The following UVRAG variants were observed in gnomAD, a reference collection of about 807,000 sequenced individuals.
UVRAG encodes UV radiation resistance associated.
Under a neutral mutation model 78.0 loss-of-function variants are expected in UVRAG, and 19 were observed. The ratio of observed to expected loss-of-function variants is 0.24; its 90% CI spans 0.17 to 0.36. UVRAG has a LOEUF of 0.36. Ranked by LOEUF, UVRAG falls within the 10% of genes least tolerant of loss-of-function variation. UVRAG has a pLI of 1.00. For missense variants in UVRAG, 740 were observed against 853.8 expected (o/e 0.87, Z 1.66); for synonymous variants, 323 against 324.6 (o/e 1.00, Z 0.05).
intron 3 of UVRAG, among the ~76,000 whole-genome samples, chr11:75,872,377 T>G (rs1424844097): frequency 1.4e-5 from 2 of 142,844 alleles, no homozygotes; most frequent in Non-Finnish European, 3.0e-5. Context: ...TATACAAAAG[T>G]GATCTAATGC....
intron 6 of UVRAG, chr11:75,914,338 A>G (rs1472811963): frequency 6.6e-6 from 1 of 152,190 alleles, no homozygotes; most frequent in African/African-American, 2.4e-5. Flanking sequence ...ATTTTAAAAA[A>G]TATATCTTTT....
chr11:75,866,017 G>A (rs1219769108), intron 3 of UVRAG, among the ~76,000 whole-genome samples: 1 of 152,066 alleles, frequency 6.6e-6, no homozygotes, highest in Non-Finnish European at 1.5e-5. Context: ...AGCACTTTGG[G>A]AGACCAAGGT....
chr11:75,828,865 C>T (rs1351064422), intron 1 of UVRAG, among the ~76,000 whole-genome samples: 12 of 141,984 alleles, frequency 8.5e-5, no homozygotes, highest in South Asian at 2.2e-4. Context: ...GCATGGTGCG[C>T]GCCACCATGT....
intron 13 of UVRAG, among the ~76,000 whole-genome samples, chr11:76,089,424 T>TA (rs1951655040): frequency 6.6e-6 from 1 of 152,178 alleles, no homozygotes; most frequent in African/African-American, 2.4e-5. Context: ...CTAACTGAAT[T>TA]ACTGGCTTAT....
At chr11:75,942,357 A>T (rs1948501065) in intron 6 of UVRAG, 1 of 153,034 alleles carries the variant, frequency 6.5e-6, no homozygotes, top group African/African-American at 2.4e-5. Flanking sequence ...CTGTCTAATG[A>T]CTTTGAATAA....
chr11:76,051,289 G>A (rs1950861546), intron 12 of UVRAG, among the ~76,000 whole-genome samples: 1 of 151,802 alleles, frequency 6.6e-6, no homozygotes, highest in Non-Finnish European at 1.5e-5. Flanking sequence ...GATTTTTGTG[G>A]GAAACAGGTG....
At chr11:76,056,739 C>T (rs902546324) in intron 12 of UVRAG, among the ~76,000 whole-genome samples, 1 of 152,128 alleles carries the variant, frequency 6.6e-6, no homozygotes, top group African/African-American at 2.4e-5. Flanking sequence ...ACTGATGCTC[C>T]CTTTTATATC....
At chr11:75,864,472 A>G (rs928988961) in intron 3 of UVRAG, among the ~76,000 whole-genome samples, 3 of 152,252 alleles carry the variant, frequency 2.0e-5, no homozygotes, top group African/African-American at 7.2e-5. Flanking sequence ...CTCAGAGAAT[A>G]TGCCAGAGAT....
intron 7 of UVRAG, among the ~76,000 whole-genome samples, chr11:75,982,654 A>AG (rs1272005797): frequency 1.3e-5 from 2 of 152,136 alleles, no homozygotes; most frequent in African/African-American, 4.8e-5. Flanking sequence ...TGAAACGGGC[A>AG]GGGGGGTTAG....
rs535402613 is a variant in UVRAG at position 76,004,743 on chromosome 11, A to G, written c.911+654A>G. Among the ~76,000 whole-genome samples the G allele has an allele frequency of 2.8e-4, 43 of 151,342 alleles. 1 individual carries two copies. Among genetic ancestry groups the G allele is most frequent in the African/African-American group, 9.9e-4 (41 of 41,222 alleles). ...TGGCCTCAAGTGATGCTCCACCTCA[A>G]CCTCCCAAAGTGCTGGGATTACAGG... On this transcript the variant is annotated intron_variant, in intron 9 of 14. Transcript: ENST00000356136.
At chr11:76,036,549 A>C (rs1171071325) in intron 12 of UVRAG, among the ~76,000 whole-genome samples, 1 of 152,194 alleles carries the variant, frequency 6.6e-6, no homozygotes. Context: ...TCAAAAAAAA[A>C]GAAAATTAAA....
At chr11:75,966,412 G>T (rs1182793200) in intron 7 of UVRAG, among the ~76,000 whole-genome samples, 3 of 152,176 alleles carry the variant, frequency 2.0e-5, no homozygotes. Flanking sequence ...TAGTTGGGCA[G>T]TGTTCTTTTT....
chr11:75,987,537 G>A (rs1441779184), intron 8 of UVRAG, among the ~76,000 whole-genome samples: 1 of 151,908 alleles, frequency 6.6e-6, no homozygotes, highest in Non-Finnish European at 1.5e-5. Flanking sequence ...ACCTGATTGT[G>A]TTGTCTGAGA....
intron 2 of UVRAG, among the ~76,000 whole-genome samples, chr11:75,859,113 G>A (rs190709705): frequency 0.011 from 1,670 of 152,226 alleles, 14 homozygotes; most frequent in Non-Finnish European, 0.017. Context: ...GGTGGCTCAC[G>A]CCTGTAATCC....
At chr11:75,915,525 T>A (rs1947830444) in intron 6 of UVRAG, among the ~76,000 whole-genome samples, 1 of 152,224 alleles carries the variant, frequency 6.6e-6, no homozygotes, top group Non-Finnish European at 1.5e-5. Flanking sequence ...TTGTTGTATT[T>A]CATATTTTAG....
At chr11:76,137,061 T>TA (rs1465379676) in intron 14 of UVRAG, 1 of 178,506 alleles carries the variant, frequency 5.6e-6, no homozygotes, top group Non-Finnish European at 1.2e-5. Context: ...CTGGAAGTAA[T>TA]AAAAAAATCA....
rs184429206 is a variant in UVRAG, at chr11:75,938,318, C to G, written c.594-23126C>G. On this transcript the variant is annotated intron_variant, in intron 6 of 14. Coordinates refer to ENST00000356136, the MANE Select transcript of UVRAG (RefSeq NM_003369.4). The stretch of plus-strand genomic sequence containing the variant: ...TAATGGCCCTATCTACTGATTCTGT[C>G]ATCTCTAGCAATTTTGGATCAGTTC... Among the ~76,000 whole-genome samples the G allele has an allele frequency of 2.6e-5, 4 of 152,220 alleles. No individual in the cohort carries two copies. The East Asian group carries it at 7.7e-4, about 29-fold the overall frequency.
chr11:76,122,852 C>T (rs1315542745), intron 14 of UVRAG, among the ~76,000 whole-genome samples: 2 of 152,128 alleles, frequency 1.3e-5, no homozygotes, highest in Non-Finnish European at 2.9e-5. Flanking sequence ...TAACTCTCAC[C>T]CATAGTTAGA....
intron 12 of UVRAG, among the ~76,000 whole-genome samples, chr11:76,054,753 G>A (rs891022274): frequency 6.6e-6 from 1 of 152,120 alleles, no homozygotes; most frequent in African/African-American, 2.4e-5. Context: ...TATTTGTCAT[G>A]TCTCTCTCAC....
Sources: gnomAD v4.1 joint callset for allele counts (sites outside exome capture counted in the v4.1 genomes callset) on GRCh38, gnomAD v4.1.1 for gene constraint, MANE v1.5 for transcripts, NCBI Gene and HGNC (gene_info 2026-07-23, HGNC 2026-07-21) for gene names.